The following GPC5 variants were observed in gnomAD, a reference collection of about 807,000 sequenced individuals.
The protein encoded by GPC5 is glypican 5.
In GPC5, 47 loss-of-function variants were observed where a neutral mutation model predicts 53.9. The ratio of observed to expected loss-of-function variants is 0.87; its 90% CI spans 0.69 to 1.11. The LOEUF is 1.11. Ranked by LOEUF, GPC5 falls within the 50% of genes most tolerant of loss-of-function variation. The probability of loss-of-function intolerance (pLI) is 0.00; values close to 1 mark genes in which losing one functional copy is unlikely to be tolerated. For synonymous variants in GPC5, 286 were observed against 263.3 expected, an observed-to-expected ratio of 1.09 and a Z score of -0.84; for missense variants, 748 against 713.1, an observed-to-expected ratio of 1.05 and a Z score of -0.56.
chr13:91,908,855 G>C (rs2039581655), intron 6 of GPC5, among the ~76,000 whole-genome samples: 1 of 151,956 alleles, frequency 6.6e-6, no homozygotes, highest in Non-Finnish European at 1.5e-5. Context: ...ATGGGTAGTT[G>C]ATATTTATTT....
rs544826918 is a variant in GPC5, at chr13:91,871,269, A to G, written c.1281-36668A>G. On this transcript the variant is annotated intron_variant, in intron 5 of 7. Transcript: ENST00000377067. ...CTCGTACAAGAACAGAAAACCAAAT[A>G]CCACATGTTCTCACTTATAAGTGGG... 5.9e-5 allele frequency among the ~76,000 whole-genome samples: 9 copies of G among 152,288 alleles called. No individual in the cohort carries two copies. In the East Asian group the frequency reaches 1.4e-3, roughly 23 times the overall value.
chr13:91,927,747 G>C (rs2039782739), intron 6 of GPC5, among the ~76,000 whole-genome samples: 1 of 152,090 alleles, frequency 6.6e-6, no homozygotes, highest in Non-Finnish European at 1.5e-5. Flanking sequence ...CAAGTGAACA[G>C]GCTATTAAAA....
At chr13:92,111,291 A>C (rs1160699422) in intron 6 of GPC5, among the ~76,000 whole-genome samples, 1 of 152,134 alleles carries the variant, frequency 6.6e-6, no homozygotes, top group Non-Finnish European at 1.5e-5. Context: ...GTCAAAGGCA[A>C]ATGGCATACA....
chr13:92,627,378 T>C (rs977495404), intron 7 of GPC5, among the ~76,000 whole-genome samples: 4 of 152,216 alleles, frequency 2.6e-5, no homozygotes, highest in Non-Finnish European at 5.9e-5. Context: ...TGGATTTGTT[T>C]ATTGGTTGCA....
At chr13:92,121,551 C>T (rs878978976) in intron 6 of GPC5, among the ~76,000 whole-genome samples, 1 of 152,118 alleles carries the variant, frequency 6.6e-6, no homozygotes, top group Non-Finnish European at 1.5e-5. Context: ...GAAGACTGAC[C>T]CCCATAGCTG....
intron 2 of GPC5, among the ~76,000 whole-genome samples, chr13:91,518,449 G>T (rs1885627681): frequency 6.6e-6 from 1 of 152,108 alleles, no homozygotes; most frequent in East Asian, 1.9e-4. Flanking sequence ...TATTTTAAAA[G>T]TTTATTTCTA....
chr13:92,485,555 AG>A (rs1358766213), intron 7 of GPC5, among the ~76,000 whole-genome samples: 1 of 152,252 alleles, frequency 6.6e-6, no homozygotes, highest in Non-Finnish European at 1.5e-5. Flanking sequence ...TGGCAAAATT[AG>A]GCAAATAGTA....
chr13:92,006,464 A>G (rs1055002963), intron 6 of GPC5, among the ~76,000 whole-genome samples: 10 of 152,138 alleles, frequency 6.6e-5, no homozygotes, highest in African/African-American at 2.4e-4. Flanking sequence ...GTAAATAAAT[A>G]TTGATTTCCT....
At chr13:92,214,646 C>T (rs2042397347) in intron 7 of GPC5, among the ~76,000 whole-genome samples, 1 of 152,138 alleles carries the variant, frequency 6.6e-6, no homozygotes, top group Non-Finnish European at 1.5e-5. Flanking sequence ...ATTCCTGTGC[C>T]ATCTCTCTTT....
In GPC5 at chr13:92,075,892, C is replaced by T. The variant is rs2041247931; in HGVS notation, c.1402-68938C>T. Among the ~76,000 whole-genome samples the T allele has an allele frequency of 2.6e-5, 4 of 152,118 alleles. No individual in the cohort carries two copies. The South Asian group carries it at 8.3e-4, about 32-fold the overall frequency. On this transcript the variant is annotated intron_variant, in intron 6 of 7. Coordinates refer to ENST00000377067, the MANE Select transcript of GPC5 (RefSeq NM_004466.6). ...AATTAATTAAGCTTTAAATTCTAGG[C>T]TATCTGAAGCTAATTGATTATTGTA... is the stretch of plus-strand genomic sequence containing the variant.
chr13:91,491,670 T>G (rs754580747), intron 2 of GPC5, among the ~76,000 whole-genome samples: 12 of 152,244 alleles, frequency 7.9e-5, no homozygotes, highest in Non-Finnish European at 1.8e-4. Context: ...CTAGGGGACA[T>G]TCCACTCCTT....
At chr13:91,464,966 A>G (rs1015907513) in intron 2 of GPC5, among the ~76,000 whole-genome samples, 6 of 152,152 alleles carry the variant, frequency 3.9e-5, no homozygotes, top group East Asian at 1.9e-4. Context: ...TTCTCTGTAC[A>G]TTTTTTTTTC....
At chr13:92,649,867 T>C (rs1199587375) in intron 7 of GPC5, among the ~76,000 whole-genome samples, 4 of 152,186 alleles carry the variant, frequency 2.6e-5, no homozygotes, top group Non-Finnish European at 4.4e-5. Context: ...TTATGATTAT[T>C]GTCTTTAATT....
In GPC5 at chr13:92,796,906, T is replaced by A. The variant is rs188068702; in HGVS notation, c.1562-69376T>A. 2.4e-3 allele frequency among the ~76,000 whole-genome samples: 368 copies of A among 152,118 alleles called. 2 individuals carry two copies. Among genetic ancestry groups the A allele is most frequent in the African/African-American group, 8.6e-3 (359 of 41,546 alleles). On this transcript the variant is annotated intron_variant, in intron 7 of 7. Transcript: ENST00000377067. Reference sequence around the variant, plus strand: ...TGATATATAAAGGCTGTTATATTTTTAAAACATTTCTATTTTTGAATCTGT... The same window carrying A: ...TGATATATAAAGGCTGTTATATTTTAAAAACATTTCTATTTTTGAATCTGT...
intron 1 of GPC5, among the ~76,000 whole-genome samples, chr13:91,405,761 T>C (rs1415228989): frequency 1.3e-5 from 2 of 152,146 alleles, no homozygotes; most frequent in South Asian, 4.1e-4. Flanking sequence ...AATGTTCTCT[T>C]GTCAACCTAT....
intron 5 of GPC5, among the ~76,000 whole-genome samples, chr13:91,784,373 C>T (rs985234711): frequency 5.9e-5 from 9 of 152,046 alleles, no homozygotes; most frequent in Admixed American, 2.6e-4. Context: ...GGTGATTTAA[C>T]AAGTTGCAAA....
At chr13:92,224,617 C>T (rs1416183877) in intron 7 of GPC5, among the ~76,000 whole-genome samples, 19 of 152,190 alleles carry the variant, frequency 1.2e-4, no homozygotes, top group Non-Finnish European at 7.3e-5. Context: ...TGAACATCTG[C>T]TTTTTTGTTT....
intron 7 of GPC5, among the ~76,000 whole-genome samples, chr13:92,371,597 A>G (rs554159594): frequency 6.6e-6 from 1 of 152,150 alleles, no homozygotes; most frequent in Non-Finnish European, 1.5e-5. Flanking sequence ...GAAACTTATG[A>G]TCATGGTGGA....
intron 2 of GPC5, among the ~76,000 whole-genome samples, chr13:91,575,885 G>A (rs774983444): frequency 2.6e-5 from 4 of 151,956 alleles, no homozygotes; most frequent in Non-Finnish European, 5.9e-5. Context: ...TAGTTGCCAC[G>A]TTACTTTCAG....
Sources: allele counts gnomAD v4.1 joint callset (sites outside exome capture counted in the v4.1 genomes callset), GRCh38; gene constraint gnomAD v4.1.1; transcripts MANE v1.5; gene names NCBI Gene and HGNC (gene_info 2026-07-23, HGNC 2026-07-21).